SORCS3: variants seen among roughly 807,000 people sequenced by gnomAD.
SORCS3 encodes sortilin related VPS10 domain containing receptor 3, also known as VPS10 domain-containing receptor SorCS3.
Under a neutral mutation model 146.3 loss-of-function variants are expected in SORCS3, and 57 were observed. The observed-to-expected ratio is 0.39, with a 90% CI of 0.31 to 0.49. The LOEUF (loss-of-function observed/expected upper bound fraction) is 0.49. SORCS3 is among the 20% of genes least tolerant of loss of function. The pLI is 0.92. For missense variants in SORCS3, 1,341 were observed against 1,575.5 expected, an observed-to-expected ratio of 0.85 and a Z score of 2.52; for synonymous variants, 653 against 618.5, an observed-to-expected ratio of 1.06 and a Z score of -0.83.
intron 5 of SORCS3, among the ~76,000 whole-genome samples, chr10:105,057,752 C>T (rs768690701): frequency 6.6e-6 from 1 of 152,198 alleles, no homozygotes; most frequent in Non-Finnish European, 1.5e-5. Flanking sequence ...AGCAATTAGG[C>T]TTTTTCAGCT....
At chr10:104,904,793 T>G (rs2018887563) in intron 2 of SORCS3, among the ~76,000 whole-genome samples, 1 of 151,978 alleles carries the variant, frequency 6.6e-6, no homozygotes, top group Admixed American at 6.6e-5. Context: ...GTTATTATTT[T>G]TTTTTTAATT....
chr10:104,802,079 G>C (rs527856025), intron 1 of SORCS3, among the ~76,000 whole-genome samples: 1 of 152,244 alleles, frequency 6.6e-6, no homozygotes, highest in Non-Finnish European at 1.5e-5. Context: ...TTGGTAATTA[G>C]TTGTAGTGAT....
intron 4 of SORCS3, among the ~76,000 whole-genome samples, chr10:104,993,662 C>G (rs1360847473): frequency 6.6e-6 from 1 of 152,140 alleles, no homozygotes; most frequent in Non-Finnish European, 1.5e-5. Flanking sequence ...AACTTTCTAG[C>G]CCAGAGGCTT....
At chr10:104,838,608 C>G (rs533848472) in intron 1 of SORCS3, among the ~76,000 whole-genome samples, 5 of 152,156 alleles carry the variant, frequency 3.3e-5, no homozygotes, top group Admixed American at 2.6e-4. Flanking sequence ...GGTGTGACCA[C>G]GCTGAGGTAT....
At chr10:104,714,390 A>C (rs1239794912) in intron 1 of SORCS3, among the ~76,000 whole-genome samples, 1 of 152,060 alleles carries the variant, frequency 6.6e-6, no homozygotes, top group Non-Finnish European at 1.5e-5. Context: ...ATATGCACTT[A>C]ATGCTATATT....
At chr10:105,003,387 C>T (rs1327083584) in intron 4 of SORCS3, among the ~76,000 whole-genome samples, 3 of 152,084 alleles carry the variant, frequency 2.0e-5, no homozygotes, top group Non-Finnish European at 4.4e-5. Flanking sequence ...TAGCCTTGCT[C>T]TTGCCTACCC....
At chr10:104,939,933 GGGTCT>G (rs1376066884) in intron 3 of SORCS3, among the ~76,000 whole-genome samples, 2 of 151,840 alleles carry the variant, frequency 1.3e-5, no homozygotes, top group African/African-American at 4.8e-5. Flanking sequence ...TACCGGAAAG[GGGTCT>G]GGATCCAGAC....
chr10:105,029,868 C>T (rs2055253108), intron 4 of SORCS3, among the ~76,000 whole-genome samples: 2 of 152,188 alleles, frequency 1.3e-5, no homozygotes, highest in African/African-American at 2.4e-5. Flanking sequence ...TCCCTTCTTC[C>T]CCATTTGCAT....
chr10:104,692,311 C>T (rs970937656), intron 1 of SORCS3, among the ~76,000 whole-genome samples: 3 of 152,256 alleles, frequency 2.0e-5, no homozygotes, highest in South Asian at 2.1e-4. Context: ...TCAGCCTTCT[C>T]GTCATGTGTC....
intron 2 of SORCS3, among the ~76,000 whole-genome samples, chr10:104,902,765 ATCC>A (rs1437503343): frequency 6.6e-6 from 1 of 152,204 alleles, no homozygotes; most frequent in African/African-American, 2.4e-5. Context: ...TTCTCACTGA[ATCC>A]TCCTAATAAC....
chr10:105,022,889 G>A (rs1227412282), intron 4 of SORCS3, among the ~76,000 whole-genome samples: 1 of 152,150 alleles, frequency 6.6e-6, no homozygotes, highest in Non-Finnish European at 1.5e-5. Flanking sequence ...GCACTAAGGT[G>A]CCTTGATGAT....
intron 17 of SORCS3, among the ~76,000 whole-genome samples, chr10:105,212,779 T>C (rs2056641442): frequency 6.6e-6 from 1 of 152,124 alleles, no homozygotes; most frequent in African/African-American, 2.4e-5. Context: ...TGATATCAAG[T>C]TTGTGTTAGG....
intron 1 of SORCS3, among the ~76,000 whole-genome samples, chr10:104,693,994 C>A (rs539016315): frequency 1.2e-4 from 18 of 152,106 alleles, no homozygotes; most frequent in Admixed American, 1.0e-3. Flanking sequence ...TTCAGCAAGA[C>A]ACACAGGATG....
At chr10:104,785,082 C>CG (rs966869337) in intron 1 of SORCS3, among the ~76,000 whole-genome samples, 1 of 146,912 alleles carries the variant, frequency 6.8e-6, no homozygotes, top group African/African-American at 2.7e-5. Context: ...GGGGGCTGAC[C>CG]CCCCCCCACC....
intron 4 of SORCS3, among the ~76,000 whole-genome samples, chr10:105,040,461 C>T (rs2055331728): frequency 6.6e-6 from 1 of 152,138 alleles, no homozygotes; most frequent in South Asian, 2.1e-4. Flanking sequence ...CTCCTGTTGT[C>T]TCAAGGCCTG....
intron 4 of SORCS3, among the ~76,000 whole-genome samples, chr10:105,000,689 C>G (rs769360849): frequency 6.6e-6 from 1 of 152,180 alleles, no homozygotes; most frequent in Non-Finnish European, 1.5e-5. Flanking sequence ...CCCCTGCACC[C>G]TAATCCAAGG....
intron 4 of SORCS3, among the ~76,000 whole-genome samples, chr10:105,012,258 A>G (rs2055140227): frequency 6.6e-6 from 1 of 152,176 alleles, no homozygotes; most frequent in Admixed American, 6.5e-5. Context: ...TGAGTTCTTT[A>G]TGATGTTTGA....
intron 1 of SORCS3, among the ~76,000 whole-genome samples, chr10:104,722,224 T>C (rs1229580065): frequency 1.3e-5 from 2 of 152,236 alleles, no homozygotes; most frequent in African/African-American, 4.8e-5. Context: ...TTTCTGCATC[T>C]ATTGAGATAA....
intron 7 of SORCS3, among the ~76,000 whole-genome samples, chr10:105,135,135 C>T (rs1293584981): frequency 2.6e-5 from 4 of 152,104 alleles, no homozygotes; most frequent in African/African-American, 9.7e-5. Flanking sequence ...CTCCATGTCC[C>T]ACCTTCCAGG....
Sources: gnomAD v4.1 joint callset for allele counts (sites outside exome capture counted in the v4.1 genomes callset) on GRCh38, gnomAD v4.1.1 for gene constraint, MANE v1.5 for transcripts, NCBI Gene and HGNC (gene_info 2026-07-23, HGNC 2026-07-21) for gene names.